The following BRWD1 variants were observed in gnomAD, a reference collection of about 807,000 sequenced individuals.
BRWD1 encodes the protein bromodomain and WD repeat-containing protein 1.
In BRWD1, 82 loss-of-function variants were observed where a neutral mutation model predicts 251.2. The ratio of observed to expected loss-of-function variants is 0.33; its 90% CI spans 0.27 to 0.39. The LOEUF (loss-of-function observed/expected upper bound fraction) is 0.39. Among genes scored for constraint, BRWD1 ranks in the 10% least tolerant of loss-of-function variants. BRWD1 has a pLI of 1.00. For missense variants in BRWD1, 2,233 were observed against 2,711.6 expected (o/e 0.82, Z 3.92); for synonymous variants, 918 against 902.8 (o/e 1.02, Z -0.30).
intron 30 of BRWD1, 76 bp from the exon 31 acceptor site, chr21:39,218,348 T>C (rs527622072): frequency 2.0e-6 from 3 of 1,511,962 alleles, no homozygotes; most frequent in South Asian, 1.3e-5. Context: ...AAATCATTCA[T>C]AAGATATGGC....
At chr21:39,248,640 C>CAAAAAAAAAAAAAAAAAAAA in intron 20 of BRWD1, among the ~76,000 whole-genome samples, 1 of 29,668 alleles carries the variant, frequency 3.4e-5, no homozygotes, top group Non-Finnish European at 5.5e-5. Flanking sequence ...ACCCTATCTC[C>CAAAAAAAAAAAAAAAAAAAA]CAAAAAAAAA....
At chr21:39,281,783 G>A (rs887279123) in intron 8 of BRWD1, among the ~76,000 whole-genome samples, 4 of 151,660 alleles carry the variant, frequency 2.6e-5, no homozygotes, top group African/African-American at 4.8e-5. Context: ...CAGGAGAATC[G>A]CTTGAATCCG....
chr21:39,269,454 C>T (rs2035033596), intron 15 of BRWD1, among the ~76,000 whole-genome samples: 1 of 151,866 alleles, frequency 6.6e-6, no homozygotes, highest in African/African-American at 2.4e-5. Context: ...AGAGCCACCA[C>T]ACCCAGCCCA....
Position 39,301,972 on chromosome 21 carries a change from T to TTG in BRWD1, c.199-3392_199-3391dup, listed in dbSNP as rs1222159138. On this transcript the variant is annotated intron_variant, in intron 4 of 40. Coordinates refer to ENST00000342449, the MANE Select transcript of BRWD1 (RefSeq NM_033656.4). ...GTCAACAAACCTTTGTTAAAAAGCT[T>TTG]TGTGTGTTTTTTTTTTTTTTTTTTT... 4.8e-3 allele frequency among the ~76,000 whole-genome samples: 645 copies of TTG among 133,108 alleles called. 6 individuals carry two copies. The highest frequency in any genetic ancestry group is 9.6e-3 in the African/African-American group (336 of 35,056). The allele number at this position is 133,108 out of a possible 152,430, so 87.3% of individuals were successfully genotyped here. A position where few individuals can be genotyped will look rare whatever the true frequency, so the allele number is the denominator to read the frequency against.
chr21:39,236,235 T>C (rs981832977), intron 23 of BRWD1, among the ~76,000 whole-genome samples: 22 of 151,888 alleles, frequency 1.4e-4, no homozygotes, highest in Non-Finnish European at 3.1e-4. Context: ...AGCAAAGGCC[T>C]CCCCCATAAG....
chr21:39,255,255 A>G (rs2034524091), intron 19 of BRWD1, among the ~76,000 whole-genome samples: 1 of 152,026 alleles, frequency 6.6e-6, no homozygotes. Context: ...TACTAAAAAT[A>G]TAAAAAATTA....
At chr21:39,286,914 G>C (rs2035659834) in intron 8 of BRWD1, among the ~76,000 whole-genome samples, 1 of 152,054 alleles carries the variant, frequency 6.6e-6, no homozygotes, top group African/African-American at 2.4e-5. Context: ...TTTTAATCTA[G>C]ATAAAAGTCG....
Position 39,188,936 on chromosome 21 carries a change from C to T in BRWD1, c.*7323G>A. Reference sequence around the variant, plus strand: ...AAGACACTCATCACGGCATTACTCTCATGCAGCATGCCCTTACCTCCTTCA... The same window carrying T: ...AAGACACTCATCACGGCATTACTCTTATGCAGCATGCCCTTACCTCCTTCA... On this transcript the variant is annotated 3_prime_UTR_variant, in exon 41 of 41. Transcript: ENST00000342449. 2 of 985,374 alleles carry T rather than the reference C, an allele frequency of 2.0e-6. No homozygotes were observed. The highest frequency in any genetic ancestry group is 2.4e-6 in the Non-Finnish European group (2 of 829,902). 61.0% of individuals were successfully genotyped at this position (985,374 alleles called of 1,614,324 possible). A position where few individuals can be genotyped will look rare whatever the true frequency, so the allele number is the denominator to read the frequency against.
At chr21:39,301,853 AT>A (rs1266174402) in intron 4 of BRWD1, among the ~76,000 whole-genome samples, 1 of 150,662 alleles carries the variant, frequency 6.6e-6, no homozygotes, top group Non-Finnish European at 1.5e-5. Flanking sequence ...AATTTCCAAC[AT>A]TAGGAAGGCA....
At chr21:39,250,525 C>G (rs1845615533) in intron 20 of BRWD1, among the ~76,000 whole-genome samples, 1 of 150,144 alleles carries the variant, frequency 6.7e-6, no homozygotes, top group Non-Finnish European at 1.5e-5. Context: ...AAAGAAGAAC[C>G]AAATGACAAT....
intron 8 of BRWD1, among the ~76,000 whole-genome samples, chr21:39,280,467 G>C (rs911298254): frequency 6.6e-6 from 1 of 151,864 alleles, no homozygotes; most frequent in Non-Finnish European, 1.5e-5. Flanking sequence ...AACAAGACTG[G>C]CCAGAAAAAC....
chr21:39,242,110 G>T (rs1483209988), intron 21 of BRWD1, among the ~76,000 whole-genome samples: 1 of 152,206 alleles, frequency 6.6e-6, no homozygotes, highest in Admixed American at 6.5e-5. Context: ...AAATGATTAA[G>T]CTTAGTAAGG....
chr21:39,220,009 C>G (rs77552779), intron 29 of BRWD1, among the ~76,000 whole-genome samples: 2,333 of 151,674 alleles, frequency 0.015, 60 homozygotes, highest in African/African-American at 0.054. Flanking sequence ...AGACGCTGTA[C>G]AGGCAGGCAA....
chr21:39,247,921 G>A, intron 20 of BRWD1, 89 bp from the exon 21 acceptor site: 2 of 1,354,362 alleles, frequency 1.5e-6, no homozygotes, highest in Non-Finnish European at 1.9e-6. Flanking sequence ...TTTCCAGAAG[G>A]ATTTAAAGCA....
chr21:39,304,445 G>GA (rs1220020756), intron 4 of BRWD1, among the ~76,000 whole-genome samples: 4 of 151,150 alleles, frequency 2.6e-5, no homozygotes. Context: ...ACAGTCTCTA[G>GA]AAAAAAAAAT....
chr21:39,278,605 C>T (rs916362173), intron 10 of BRWD1, 138 bp downstream of exon 10: 65 of 596,610 alleles, frequency 1.1e-4, no homozygotes, highest in South Asian at 3.6e-4. Context: ...ACAAAATAAA[C>T]ATCATAAATT....
At chr21:39,224,594 A>G in intron 28 of BRWD1, 125 bp from the exon 29 acceptor site, 1 of 607,242 alleles carries the variant, frequency 1.6e-6, no homozygotes, top group South Asian at 2.7e-5. Context: ...TTTAAATATT[A>G]ACAGTAAATT....
At chr21:39,315,231 T>TGGCC (rs932322474), upstream of BRWD1, among the ~76,000 whole-genome samples, 17 of 151,470 alleles carry the variant, frequency 1.1e-4, no homozygotes, top group African/African-American at 3.9e-4. Flanking sequence ...CTCGAACTCC[T>TGGCC]GGCCTCAGGT....
intron 20 of BRWD1, among the ~76,000 whole-genome samples, chr21:39,248,636 T>A (rs2034280684): frequency 1.6e-5 from 1 of 64,434 alleles, no homozygotes; most frequent in Non-Finnish European, 2.6e-5. Context: ...TGAGACCCTA[T>A]CTCCCAAAAA....
Sources: allele counts gnomAD v4.1 joint callset (sites outside exome capture counted in the v4.1 genomes callset), GRCh38; gene constraint gnomAD v4.1.1; transcripts MANE v1.5; gene names NCBI Gene and HGNC (gene_info 2026-07-23, HGNC 2026-07-21).